EPS15: variants seen among roughly 807,000 people sequenced by gnomAD.
EPS15 encodes epidermal growth factor receptor substrate 15.
Under a neutral mutation model 113.8 loss-of-function variants are expected in EPS15, and 72 were observed. The observed-to-expected ratio is 0.63, with a 90% CI of 0.52 to 0.77. The LOEUF (loss-of-function observed/expected upper bound fraction) is 0.77, where lower values mean the gene tolerates loss of function less well. Ranked by LOEUF, EPS15 falls within the 30% of genes least tolerant of loss-of-function variation. The pLI is 0.00. For missense variants in EPS15, 1,048 were observed against 1,045.8 expected, an observed-to-expected ratio of 1.00 and a Z score of -0.03; for synonymous variants, 344 against 363.4, an observed-to-expected ratio of 0.95 and a Z score of 0.61.
At chr1:51,495,870 A>C (rs1644315892) in intron 1 of EPS15, among the ~76,000 whole-genome samples, 1 of 152,226 alleles carries the variant, frequency 6.6e-6, no homozygotes, top group Admixed American at 6.5e-5. Context: ...TAAACATGCC[A>C]ATATTTATAC....
At chr1:51,491,808 C>G (rs1466164320) in intron 1 of EPS15, among the ~76,000 whole-genome samples, 1 of 151,290 alleles carries the variant, frequency 6.6e-6, no homozygotes, top group Non-Finnish European at 1.5e-5. Flanking sequence ...AGTTCCCTTA[C>G]AGAATGCACA....
chr1:51,385,669 G>T (rs1647048326), intron 21 of EPS15, among the ~76,000 whole-genome samples: 1 of 151,958 alleles, frequency 6.6e-6, no homozygotes, highest in South Asian at 2.1e-4. Context: ...ATTAATGAAT[G>T]AACAAATAAA....
intron 1 of EPS15, among the ~76,000 whole-genome samples, chr1:51,513,875 C>T (rs1010830673): frequency 6.6e-6 from 1 of 152,032 alleles, no homozygotes; most frequent in African/African-American, 2.4e-5. Flanking sequence ...AGTGTAGACA[C>T]AATCTTAGAA....
In EPS15 at chr1:51,404,906, G is replaced by C. The variant is rs149114772; in HGVS notation, c.1677+999C>G. 2.1e-3 allele frequency among the ~76,000 whole-genome samples: 317 copies of C among 152,268 alleles called. 3 individuals carry two copies. The highest frequency in any genetic ancestry group is 7.4e-3 in the African/African-American group (307 of 41,564). On this transcript the variant is annotated intron_variant, in intron 16 of 24. Coordinates refer to ENST00000371733, the MANE Select transcript of EPS15 (RefSeq NM_001981.3). The stretch of plus-strand genomic sequence containing the variant: ...GAGGTAATGCAGATGCCTACTAGAA[G>C]CGCCTCATCTCTTACCAATACCCTC...
chr1:51,495,625 T>C (rs1644312521), intron 1 of EPS15, among the ~76,000 whole-genome samples: 1 of 151,988 alleles, frequency 6.6e-6, no homozygotes, highest in Non-Finnish European at 1.5e-5. Flanking sequence ...AGAAAACATA[T>C]ATTTTCAGCA....
At chr1:51,457,001 G>C (rs1019498015) in intron 8 of EPS15, among the ~76,000 whole-genome samples, 14 of 152,130 alleles carry the variant, frequency 9.2e-5, no homozygotes, top group African/African-American at 2.9e-4. Flanking sequence ...GAACATGAGG[G>C]GGGGCCAGGC....
intron 21 of EPS15, among the ~76,000 whole-genome samples, chr1:51,377,744 T>C (rs545064379): frequency 2.6e-5 from 4 of 152,280 alleles, no homozygotes; most frequent in African/African-American, 9.6e-5. Flanking sequence ...TCAATTGATG[T>C]GACAAACTTC....
At chr1:51,411,974 T>C (rs1025532358) in intron 13 of EPS15, among the ~76,000 whole-genome samples, 14 of 152,158 alleles carry the variant, frequency 9.2e-5, no homozygotes, top group Admixed American at 5.9e-4. Flanking sequence ...CCACCAACGA[T>C]AGACTAGATA....
intron 11 of EPS15, 90 bp downstream of exon 11, chr1:51,444,799 C>T: frequency 7.8e-7 from 1 of 1,281,372 alleles, no homozygotes; most frequent in Non-Finnish European, 1.1e-6. Flanking sequence ...TACATTTTCT[C>T]TTCTATTTCA....
chr1:51,473,040 T>C (rs1655356183), intron 2 of EPS15, 92 bp from the exon 3 acceptor site: 3 of 951,168 alleles, frequency 3.2e-6, no homozygotes, highest in Non-Finnish European at 5.0e-6. Flanking sequence ...ATTTGGGACC[T>C]GGCTTTTGCA....
Position 51,366,014 on chromosome 1 carries a change from G to T in EPS15, c.2135C>A (p.Ala712Asp). ...AAATGATTCATTCCCAAAAACAGAA[G>T]CAAAGGGGTCTGTGGCTAAAATGAA... ...AASDSATDPFASVFGNESFGG... is the reference protein window; with the variant it reads ...AASDSATDPFDSVFGNESFGG... Residue 712 changes from alanine (A) to aspartate (D), a missense_variant, in exon 22 of 25, where the codon GCT becomes GAT. Ala to Asp is a moderately radical substitution (Grantham distance 126). Coordinates refer to ENST00000371733, the MANE Select transcript of EPS15 (RefSeq NM_001981.3). 6.2e-7 allele frequency: 1 copy of T among 1,611,750 alleles called. No individual in the cohort carries two copies. Among genetic ancestry groups the T allele is most frequent in the Non-Finnish European group, 8.5e-7 (1 of 1,178,460 alleles).
intron 1 of EPS15, among the ~76,000 whole-genome samples, chr1:51,495,859 A>G (rs932581571): frequency 6.6e-6 from 1 of 152,226 alleles, no homozygotes; most frequent in Admixed American, 6.5e-5. Flanking sequence ...TCCAAGGTAA[A>G]TAAACATGCC....
intron 21 of EPS15, among the ~76,000 whole-genome samples, chr1:51,391,015 G>A (rs576887638): frequency 2.0e-5 from 3 of 152,240 alleles, no homozygotes; most frequent in East Asian, 1.9e-4. Context: ...ACATGCACAC[G>A]TATATTTATT....
chr1:51,465,897 A>T (rs542419091), intron 5 of EPS15, among the ~76,000 whole-genome samples: 4 of 151,568 alleles, frequency 2.6e-5, no homozygotes, highest in African/African-American at 9.7e-5. Flanking sequence ...AAAAACAAGC[A>T]ACTAGTTACT....
intron 12 of EPS15, among the ~76,000 whole-genome samples, chr1:51,423,939 G>C (rs1234087566): frequency 6.6e-6 from 1 of 152,132 alleles, no homozygotes; most frequent in African/African-American, 2.4e-5. Context: ...GGGGGAGGAA[G>C]AGGAAGGGGA....
chr1:51,450,025 T>C (rs78108947), intron 8 of EPS15, among the ~76,000 whole-genome samples: 4,595 of 151,880 alleles, frequency 0.03, 121 homozygotes, highest in African/African-American at 0.051. Context: ...GGATGTCAGA[T>C]GCTGCTCTTC....
intron 12 of EPS15, 194 bp from the exon 13 acceptor site, chr1:51,422,052 A>G: frequency 8.0e-7 from 1 of 1,246,758 alleles, no homozygotes; most frequent in Non-Finnish European, 1.0e-6. Flanking sequence ...TTTGTAAAAA[A>G]AAAATTGCTT....
intron 4 of EPS15, 55 bp downstream of exon 4, chr1:51,471,635 T>C: frequency 7.4e-7 from 1 of 1,345,514 alleles, no homozygotes; most frequent in Non-Finnish European, 1.1e-6. Context: ...CCCTGCTGGC[T>C]ATTTTTTATT....
intron 11 of EPS15, among the ~76,000 whole-genome samples, chr1:51,441,412 T>C (rs1343018454): frequency 2.0e-5 from 3 of 152,094 alleles, no homozygotes; most frequent in Admixed American, 6.6e-5. Context: ...AAACATTTCA[T>C]CTACACCCAA....
Sources: allele counts gnomAD v4.1 joint callset (sites outside exome capture counted in the v4.1 genomes callset), GRCh38; gene constraint gnomAD v4.1.1; transcripts MANE v1.5; gene names NCBI Gene and HGNC (gene_info 2026-07-23, HGNC 2026-07-21).